INSR: variants seen among roughly 807,000 people sequenced by gnomAD.
The protein encoded by INSR is insulin receptor, also known as IR.
Under a neutral mutation model 142.6 loss-of-function variants are expected in INSR, and 67 were observed. The ratio of observed to expected loss-of-function variants is 0.47; its 90% confidence interval spans 0.39 to 0.58. The LOEUF (loss-of-function observed/expected upper bound fraction) is 0.58. Ranked by LOEUF, INSR falls within the 20% of genes least tolerant of loss-of-function variation. INSR has a pLI of 0.00. For synonymous variants in INSR, 756 were observed against 743.1 expected (o/e 1.02, Z -0.28); for missense variants, 1,248 against 1,833.2 (o/e 0.68, Z 5.83).
intron 2 of INSR, among the ~76,000 whole-genome samples, chr19:7,226,057 G>A (rs1029895856): frequency 6.6e-6 from 1 of 152,182 alleles, no homozygotes; most frequent in Non-Finnish European, 1.5e-5. Flanking sequence ...ACAAGGTTAG[G>A]GGGAAGTCTC....
chr19:7,281,173 A>C (rs1480504186), intron 1 of INSR, among the ~76,000 whole-genome samples: 8 of 152,152 alleles, frequency 5.3e-5, no homozygotes, highest in Non-Finnish European at 1.5e-5. Context: ...AGGAGGAAAA[A>C]CAAGAGAAGT....
intron 2 of INSR, among the ~76,000 whole-genome samples, chr19:7,207,901 AAAG>A (rs1281144650): frequency 2.3e-4 from 17 of 72,746 alleles, no homozygotes; most frequent in African/African-American, 8.8e-4. Context: ...GGAAGGAAGG[AAAG>A]GAAGGAAGGA....
At chr19:7,127,157 C>T (rs958262402) in intron 15 of INSR, among the ~76,000 whole-genome samples, 4 of 152,118 alleles carry the variant, frequency 2.6e-5, no homozygotes, top group African/African-American at 7.2e-5. Flanking sequence ...CTCATCCTCC[C>T]GAGCGGCTGG....
At chr19:7,146,236 C>CTTTTTTTT (rs35961932) in intron 11 of INSR, among the ~76,000 whole-genome samples, 1 of 110,756 alleles carries the variant, frequency 9.0e-6, no homozygotes, top group Non-Finnish European at 1.9e-5. Flanking sequence ...TTGTCAAGTT[C>CTTTTTTTT]TTTTTTTTTT....
rs751825503 is a variant in INSR, at chr19:7,125,617, G to A, written c.3014-90C>T. Reference sequence around the variant, plus strand: ...CCCAAGCCCTCACCCAAACCCCCTCGAAAACACTCATGAAATGAGTTCTGT... The same window carrying A: ...CCCAAGCCCTCACCCAAACCCCCTCAAAAACACTCATGAAATGAGTTCTGT... On this transcript the variant is annotated intron_variant, in intron 16 of 21. Transcript: ENST00000302850. This position sits in a 1 kb window ranked among gnomAD's most constrained non-coding sequence, Gnocchi z 4.9. The A allele has an allele frequency of 5.6e-5, 87 of 1,548,024 alleles. No homozygotes were observed. The highest frequency in any genetic ancestry group is 1.8e-4 in the East Asian group (8 of 44,518).
At chr19:7,286,900 G>A (rs951663945) in intron 1 of INSR, among the ~76,000 whole-genome samples, 2 of 152,062 alleles carry the variant, frequency 1.3e-5, no homozygotes, top group African/African-American at 2.4e-5. Flanking sequence ...AGGCTGGAGT[G>A]CAGTGGTACA....
chr19:7,153,212 ACCAC>A (rs1973461980), intron 9 of INSR, among the ~76,000 whole-genome samples: 1 of 49,048 alleles, frequency 2.0e-5, no homozygotes, highest in African/African-American at 5.3e-5. Flanking sequence ...CACACCACAC[ACCAC>A]ACACACGCAC....
At chr19:7,202,534 T>C (rs1007054427) in intron 2 of INSR, among the ~76,000 whole-genome samples, 5 of 152,162 alleles carry the variant, frequency 3.3e-5, no homozygotes, top group African/African-American at 1.2e-4. Flanking sequence ...TTAGCTCTTG[T>C]TGCCCAGGCT....
chr19:7,163,925 T>TAAAAAA (rs748862314), intron 8 of INSR, among the ~76,000 whole-genome samples: 2,132 of 44,536 alleles, frequency 0.048, 176 homozygotes, highest in Non-Finnish European at 0.054. Context: ...CTATCTCTAC[T>TAAAAAA]AAAAAAAAAA....
At position 7,184,343 on chromosome 19, in the gene INSR, G is replaced by A; in HGVS notation, c.947C>T (p.Pro316Leu). Reference sequence around the variant, plus strand: ...GCTGGAATTCATCGTGTACCCGGAGGGACACTCAGGGATGCACTTGTTGTT... The same window carrying A: ...GCTGGAATTCATCGTGTACCCGGAGAGACACTCAGGGATGCACTTGTTGTT... The part of the protein sequence containing the change: ...IHNNKCIPEC[P>L]SGYTMNSSNL... Residue 316 changes from proline (P) to leucine (L), a missense_variant, in exon 3 of 22, where the codon CCC becomes CTC. Around this residue, in one of 3 missense-constraint regions of INSR, gnomAD observed 1,069 missense variants for 1,654.0 expected, o/e 0.65. Transcript: ENST00000302850. The A allele has an allele frequency of 6.2e-7, 1 of 1,613,858 alleles. No individual in the cohort carries two copies. Among genetic ancestry groups the A allele is most frequent in the Non-Finnish European group, 8.5e-7 (1 of 1,179,954 alleles).
intron 1 of INSR, among the ~76,000 whole-genome samples, chr19:7,280,891 C>T (rs907210523): frequency 1.6e-4 from 25 of 151,688 alleles, no homozygotes; most frequent in African/African-American, 5.1e-4. Flanking sequence ...GAGCGAGACT[C>T]GATCTCCAAA....
At chr19:7,171,940 C>A (rs1471212795) in intron 5 of INSR, among the ~76,000 whole-genome samples, 1 of 138,208 alleles carries the variant, frequency 7.2e-6, no homozygotes, top group Non-Finnish European at 1.5e-5. Context: ...TGGACAGAGT[C>A]TCACTCTGTC....
In INSR at chr19:7,125,190, C is replaced by A. The variant is rs1483846760; in HGVS notation, c.3258+93G>T. On this transcript the variant is annotated intron_variant, in intron 17 of 21. Transcript: ENST00000302850. This position sits in a 1 kb window ranked among gnomAD's most constrained non-coding sequence, Gnocchi z 4.9. ...AGTGAGGGGTGGGTAGGAGGTTACA[C>A]CCTGTGTCCTCTGTCGCTCTGTGCA... 1.3e-6 allele frequency: 2 copies of A among 1,513,224 alleles called. No individual in the cohort carries two copies. The highest frequency in any genetic ancestry group is 1.8e-6 in the Non-Finnish European group (2 of 1,098,334). 93.7% of individuals were successfully genotyped at this position (1,513,224 alleles called of 1,614,324 possible).
intron 2 of INSR, among the ~76,000 whole-genome samples, chr19:7,264,946 G>C (rs1967675062): frequency 6.6e-6 from 1 of 152,134 alleles, no homozygotes; most frequent in African/African-American, 2.4e-5. Context: ...ACAATTCCAA[G>C]GATTCTATTT....
chr19:7,260,615 AT>A (rs1977028593), intron 2 of INSR, among the ~76,000 whole-genome samples: 2 of 152,100 alleles, frequency 1.3e-5, no homozygotes, highest in Non-Finnish European at 2.9e-5. Flanking sequence ...CCTGGTAGAT[AT>A]TCACCTGGAA....
intron 2 of INSR, among the ~76,000 whole-genome samples, chr19:7,243,248 T>G (rs1009110338): frequency 7.5e-6 from 1 of 133,338 alleles, no homozygotes; most frequent in Admixed American, 7.8e-5. Flanking sequence ...TTTTTTTTTT[T>G]TTTTTTTTTT....
At chr19:7,244,830 G>T (rs1479049136) in intron 2 of INSR, among the ~76,000 whole-genome samples, 1 of 151,910 alleles carries the variant, frequency 6.6e-6, no homozygotes, top group Non-Finnish European at 1.5e-5. Context: ...TTAAAGGAGT[G>T]CTGGCAGCGA....
intron 1 of INSR, among the ~76,000 whole-genome samples, chr19:7,268,872 A>T (rs74408246): frequency 0.016 from 2,435 of 152,100 alleles, 72 homozygotes; most frequent in African/African-American, 0.055. Context: ...ATGCTTCAAG[A>T]TATCCAGTTC....
chr19:7,167,956 T>C lies in INSR; in HGVS notation c.1610+12A>G, dbSNP rs1292864027. ...CTCGCCTCCTCAGCGTCTCTCTAAC[T>C]CTTCTACTTACGCCTCTTTGTAGAA... On this transcript the variant is annotated intron_variant, in intron 7 of 21. Coordinates refer to ENST00000302850, the MANE Select transcript of INSR (RefSeq NM_000208.4). 1 of 1,613,644 alleles carries C rather than the reference T, an allele frequency of 6.2e-7. No homozygotes were observed. Among genetic ancestry groups the C allele is most frequent in the East Asian group, 2.2e-5 (1 of 44,876 alleles).
Sources: gnomAD v4.1 joint callset for allele counts (sites outside exome capture counted in the v4.1 genomes callset) on GRCh38, gnomAD v4.1.1 for gene constraint, gnomAD v4.1.1 regional missense constraint, Gnocchi (gnomAD v3.1) non-coding constraint, MANE v1.5 for transcripts, NCBI Gene and HGNC (gene_info 2026-07-23, HGNC 2026-07-21) for gene names.